The following CPQ variants were observed in gnomAD, a reference collection of about 807,000 sequenced individuals.
CPQ encodes the protein Ser-Met dipeptidase.
Under a neutral mutation model 45.7 loss-of-function variants are expected in CPQ, and 37 were observed. That is an observed-to-expected ratio of 0.81 (90% CI 0.62 to 1.07). The LOEUF (loss-of-function observed/expected upper bound fraction) is 1.07, where lower values mean the gene tolerates loss of function less well. Ranked by LOEUF, CPQ falls within the 50% of genes least tolerant of loss-of-function variation. CPQ has a pLI of 0.00. For missense variants in CPQ, 537 were observed against 572.9 expected, an observed-to-expected ratio of 0.94 and a Z score of 0.64; for synonymous variants, 186 against 205.8, an observed-to-expected ratio of 0.90 and a Z score of 0.82.
chr8:96,819,559 G>A (rs1338952061), intron 2 of CPQ, among the ~76,000 whole-genome samples: 2 of 152,112 alleles, frequency 1.3e-5, no homozygotes, highest in African/African-American at 4.8e-5. Flanking sequence ...ATGAGCAGGA[G>A]CATCATTGTG....
At chr8:96,885,652 G>A (rs1048165101) in intron 4 of CPQ, among the ~76,000 whole-genome samples, 10 of 152,168 alleles carry the variant, frequency 6.6e-5, no homozygotes, top group African/African-American at 2.4e-4. Flanking sequence ...TCAAAACCCT[G>A]TTGCATAATT....
At chr8:97,091,810 G>A (rs1586537012) in intron 7 of CPQ, among the ~76,000 whole-genome samples, 1 of 152,006 alleles carries the variant, frequency 6.6e-6, no homozygotes, top group Non-Finnish European at 1.5e-5. Flanking sequence ...GAATGAAATG[G>A]TTACCAAAGT....
intron 1 of CPQ, among the ~76,000 whole-genome samples, chr8:96,782,206 C>T (rs1810696266): frequency 6.6e-6 from 1 of 152,220 alleles, no homozygotes; most frequent in African/African-American, 2.4e-5. Flanking sequence ...GATCCCCAGG[C>T]TGTCTGATAC....
chr8:96,723,710 G>A (rs1809796683), intron 1 of CPQ, among the ~76,000 whole-genome samples: 1 of 152,078 alleles, frequency 6.6e-6, no homozygotes, highest in South Asian at 2.1e-4. Context: ...TAGAGACCAT[G>A]TACTCTAATT....
At chr8:96,816,746 A>G (rs894126189) in intron 2 of CPQ, among the ~76,000 whole-genome samples, 7 of 152,178 alleles carry the variant, frequency 4.6e-5, no homozygotes, top group East Asian at 1.9e-4. Context: ...ATTTTCTTGT[A>G]TATCTTCATC....
intron 6 of CPQ, among the ~76,000 whole-genome samples, chr8:97,044,906 C>T (rs1257027143): frequency 6.6e-6 from 1 of 152,190 alleles, no homozygotes; most frequent in Non-Finnish European, 1.5e-5. Flanking sequence ...TGGGGGGTGC[C>T]TCCCAGTTAG....
At chr8:96,993,661 A>G (rs889303448) in intron 5 of CPQ, among the ~76,000 whole-genome samples, 3 of 152,128 alleles carry the variant, frequency 2.0e-5, no homozygotes, top group African/African-American at 7.2e-5. Flanking sequence ...CAAATTTTAT[A>G]CACGATATTA....
chr8:96,748,640 G>C, intron 1 of CPQ, among the ~76,000 whole-genome samples: 1 of 151,910 alleles, frequency 6.6e-6, no homozygotes, highest in Admixed American at 6.6e-5. Context: ...TTTTTTAACT[G>C]TTTGCTACCT....
intron 5 of CPQ, among the ~76,000 whole-genome samples, chr8:96,986,890 T>C (rs999128465): frequency 1.3e-5 from 2 of 152,186 alleles, no homozygotes; most frequent in African/African-American, 4.8e-5. Context: ...GATAGGTATA[T>C]TAATGAATAT....
chr8:97,056,125 CA>C (rs1810452848), intron 6 of CPQ, among the ~76,000 whole-genome samples: 1 of 152,072 alleles, frequency 6.6e-6, no homozygotes, highest in African/African-American at 2.4e-5. Context: ...CACACACACA[CA>C]CACACAAATT....
chr8:97,085,017 G>T (rs1294823933), intron 7 of CPQ, among the ~76,000 whole-genome samples: 1 of 151,734 alleles, frequency 6.6e-6, no homozygotes, highest in African/African-American at 2.4e-5. Flanking sequence ...ACACTATTTA[G>T]TTCTGATTTC....
chr8:97,046,754 G>A (rs1161732844), intron 6 of CPQ, among the ~76,000 whole-genome samples: 3 of 152,144 alleles, frequency 2.0e-5, no homozygotes, highest in African/African-American at 7.2e-5. Flanking sequence ...GCATCCACCT[G>A]CCCTCACTGC....
intron 6 of CPQ, among the ~76,000 whole-genome samples, chr8:97,039,698 T>C (rs1184545943): frequency 1.3e-5 from 2 of 152,044 alleles, no homozygotes; most frequent in African/African-American, 4.8e-5. Context: ...GTGTTCTCAT[T>C]GTTCAATTCC....
At chr8:97,142,691 C>T (rs1812187846) in intron 7 of CPQ, among the ~76,000 whole-genome samples, 1 of 152,160 alleles carries the variant, frequency 6.6e-6, no homozygotes, top group Non-Finnish European at 1.5e-5. Context: ...AGGCTACTTC[C>T]ACTCTGCCAT....
intron 7 of CPQ, among the ~76,000 whole-genome samples, chr8:97,100,351 G>A (rs1156806011): frequency 6.6e-6 from 1 of 152,212 alleles, no homozygotes; most frequent in Non-Finnish European, 1.5e-5. Flanking sequence ...CAGAGCCATA[G>A]AGCTATAGAC....
chr8:97,113,174 G>C (rs1811525842), intron 7 of CPQ, among the ~76,000 whole-genome samples: 1 of 152,138 alleles, frequency 6.6e-6, no homozygotes, highest in South Asian at 2.1e-4. Flanking sequence ...TTGGGGAAGA[G>C]TTTTGCAAGG....
At chr8:97,105,423 C>G (rs887801380) in intron 7 of CPQ, among the ~76,000 whole-genome samples, 1 of 152,190 alleles carries the variant, frequency 6.6e-6, no homozygotes, top group Admixed American at 6.5e-5. Context: ...AAATAATATT[C>G]CATTGTATGT....
intron 7 of CPQ, among the ~76,000 whole-genome samples, chr8:97,098,615 C>G (rs753880612): frequency 2.6e-5 from 4 of 152,132 alleles, no homozygotes; most frequent in African/African-American, 4.8e-5. Flanking sequence ...ATTATGTCCT[C>G]AAGCATGGCA....
rs529361535 is a variant in CPQ, at chr8:96,758,616, C to G, written c.-34-26248C>G. On this transcript the variant is annotated intron_variant, in intron 1 of 7. Coordinates refer to ENST00000220763, the MANE Select transcript of CPQ (RefSeq NM_016134.4). ...GGGGAGGCCCTATCATACATAATAG[C>G]CTGCTGCCTGCTGCCATGTTAAGAA... Among the ~76,000 whole-genome samples the G allele has an allele frequency of 5.3e-5, 8 of 152,258 alleles. No homozygotes were observed. The East Asian group carries it at 1.5e-3, about 29-fold the overall frequency.
Sources: gnomAD v4.1 joint callset for allele counts (sites outside exome capture counted in the v4.1 genomes callset) on GRCh38, gnomAD v4.1.1 for gene constraint, MANE v1.5 for transcripts, NCBI Gene and HGNC (gene_info 2026-07-23, HGNC 2026-07-21) for gene names.